The following CLYBL variants were observed in gnomAD, a reference collection of about 807,000 sequenced individuals.
The protein encoded by CLYBL is citramalyl-CoA lyase, also known as citramalyl-CoA lyase, mitochondrial.
A neutral mutation model predicts 38.9 loss-of-function variants in CLYBL; 31 were observed. The ratio of observed to expected loss-of-function variants is 0.80; its 90% CI spans 0.60 to 1.08. The LOEUF (loss-of-function observed/expected upper bound fraction) is 1.08, where lower values mean the gene tolerates loss of function less well. Among genes scored for constraint, CLYBL ranks in the 50% least tolerant of loss-of-function variants. CLYBL has a pLI of 0.00. For missense variants in CLYBL, 434 were observed against 411.6 expected, an observed-to-expected ratio of 1.05 and a Z score of -0.47; for synonymous variants, 171 against 158.6, an observed-to-expected ratio of 1.08 and a Z score of -0.59.
intron 1 of CLYBL, among the ~76,000 whole-genome samples, chr13:99,681,763 T>C (rs2047737871): frequency 6.6e-6 from 1 of 152,004 alleles, no homozygotes; most frequent in African/African-American, 2.4e-5. Context: ...CTTTTTGTAT[T>C]TTTAGCAGAG....
At chr13:99,647,853 G>A (rs932212046) in intron 1 of CLYBL, among the ~76,000 whole-genome samples, 1 of 152,152 alleles carries the variant, frequency 6.6e-6, no homozygotes, top group African/African-American at 2.4e-5. Context: ...AGCAGTATGG[G>A]TGCCCAGTTG....
chr13:99,857,184 G>A (rs575223405), intron 2 of CLYBL, among the ~76,000 whole-genome samples: 36 of 151,886 alleles, frequency 2.4e-4, no homozygotes, highest in African/African-American at 6.8e-4. Flanking sequence ...GTGTGGTGGC[G>A]GGTGCCTGTA....
At chr13:99,701,563 G>A (rs182345379) in intron 1 of CLYBL, among the ~76,000 whole-genome samples, 2,066 of 152,004 alleles carry the variant, frequency 0.014, 45 homozygotes, top group African/African-American at 0.046. Context: ...TGCCTGCCTC[G>A]GCCTCCCAAA....
chr13:99,791,269 AAC>A (rs1200680670), intron 2 of CLYBL, among the ~76,000 whole-genome samples: 1 of 152,150 alleles, frequency 6.6e-6, no homozygotes, highest in Admixed American at 6.5e-5. Context: ...GTGATAATGA[AAC>A]ACACACCACC....
chr13:99,890,068 T>A (rs1479720188), intron 7 of CLYBL, among the ~76,000 whole-genome samples: 1 of 152,182 alleles, frequency 6.6e-6, no homozygotes, highest in Non-Finnish European at 1.5e-5. Context: ...AGAACACAAA[T>A]AACCAGACAT....
intron 3 of CLYBL, among the ~76,000 whole-genome samples, chr13:99,861,227 A>AGAGGGG (rs1491268160): frequency 6.6e-6 from 1 of 152,164 alleles, no homozygotes; most frequent in East Asian, 1.9e-4. Flanking sequence ...TTTTTAAGAA[A>AGAGGGG]GAGGGGGAGG....
chr13:99,805,554 A>G (rs1181751826), intron 2 of CLYBL, among the ~76,000 whole-genome samples: 1 of 151,558 alleles, frequency 6.6e-6, no homozygotes, highest in Non-Finnish European at 1.5e-5. Context: ...CCACGCCCTC[A>G]GGATACTAAA....
chr13:99,683,866 T>C (rs1382316189), intron 1 of CLYBL, among the ~76,000 whole-genome samples: 1 of 150,560 alleles, frequency 6.6e-6, no homozygotes, highest in African/African-American at 2.4e-5. Context: ...GCTATATATA[T>C]ATAAAATTTT....
intron 1 of CLYBL, among the ~76,000 whole-genome samples, chr13:99,750,706 T>C (rs903884128): frequency 7.2e-6 from 1 of 139,410 alleles, no homozygotes; most frequent in Non-Finnish European, 1.5e-5. Context: ...TTTATTGATG[T>C]ATTATTTTTA....
intron 2 of CLYBL, among the ~76,000 whole-genome samples, chr13:99,776,310 C>T (rs1361135566): frequency 1.3e-5 from 2 of 151,652 alleles, no homozygotes; most frequent in East Asian, 3.9e-4. Flanking sequence ...GCCTGGGCAA[C>T]ATGGCAAAAC....
intron 1 of CLYBL, among the ~76,000 whole-genome samples, chr13:99,683,766 T>C (rs2047774342): frequency 6.7e-6 from 1 of 148,842 alleles, no homozygotes; most frequent in Admixed American, 6.7e-5. Context: ...AGGAGGCGTA[T>C]AGTCTAAAAT....
intron 1 of CLYBL, among the ~76,000 whole-genome samples, chr13:99,722,456 G>A (rs1298399047): frequency 6.6e-6 from 1 of 151,266 alleles, no homozygotes; most frequent in African/African-American, 2.4e-5. Context: ...TCCAATAGCT[G>A]TGTGTAATTT....
At chr13:99,764,461 A>T (rs1209693608) in intron 1 of CLYBL, among the ~76,000 whole-genome samples, 1 of 151,972 alleles carries the variant, frequency 6.6e-6, no homozygotes. Context: ...TCATGGTTCA[A>T]TCTTGGTAGA....
At chr13:99,781,839 G>C (rs1227845081) in intron 2 of CLYBL, among the ~76,000 whole-genome samples, 1 of 152,150 alleles carries the variant, frequency 6.6e-6, no homozygotes, top group Non-Finnish European at 1.5e-5. Context: ...GACTGTGTTT[G>C]TAATTTTTAT....
intron 1 of CLYBL, among the ~76,000 whole-genome samples, chr13:99,700,412 C>A (rs543643516): frequency 6.6e-6 from 1 of 152,302 alleles, no homozygotes; most frequent in African/African-American, 2.4e-5. Context: ...CCATTGCACT[C>A]CAGCCTGGGC....
chr13:99,792,702 A>G (rs1395341115), intron 2 of CLYBL, among the ~76,000 whole-genome samples: 1 of 151,950 alleles, frequency 6.6e-6, no homozygotes, highest in East Asian at 1.9e-4. Flanking sequence ...TGTGCTGTAG[A>G]GAAGGGAGTG....
chr13:99,774,067 C>CAAA (rs11453486), intron 2 of CLYBL, among the ~76,000 whole-genome samples: 1 of 143,326 alleles, frequency 7.0e-6, no homozygotes, highest in Non-Finnish European at 1.5e-5. Flanking sequence ...CCATTTCTAC[C>CAAA]AAAAAAAAAA....
At chr13:99,784,889 C>T (rs9300564) in intron 2 of CLYBL, among the ~76,000 whole-genome samples, 64,833 of 151,956 alleles carry the variant, frequency 0.43, 14,951 homozygotes, top group East Asian at 0.7. Flanking sequence ...CATCCTTTGA[C>T]ATTTTTTTTT....
Position 99,623,550 on chromosome 13 carries a change from C to T in CLYBL, c.62+16793C>T, listed in dbSNP as rs531231723. ...TGTTCCCTCAAGCAGGGAAGGCAAA[C>T]ACCCATGGGCTTTTATTTATTATTT... On this transcript the variant is annotated intron_variant, in intron 1 of 8. Coordinates refer to ENST00000339105, the MANE Select transcript of CLYBL (RefSeq NM_206808.5). Among the ~76,000 whole-genome samples the T allele has an allele frequency of 1.6e-4, 25 of 152,264 alleles. No individual in the cohort carries two copies. In the East Asian group the frequency reaches 3.1e-3, roughly 19 times the overall value.
Sources: allele counts gnomAD v4.1 joint callset (sites outside exome capture counted in the v4.1 genomes callset), GRCh38; gene constraint gnomAD v4.1.1; transcripts MANE v1.5; gene names NCBI Gene and HGNC (gene_info 2026-07-23, HGNC 2026-07-21).